The following DOCK10 variants were observed in gnomAD, a reference collection of about 807,000 sequenced individuals.
DOCK10 encodes the protein dedicator of cytokinesis 10.
DOCK10 carries 145 observed loss-of-function variants against 280.1 expected under a neutral mutation model. The observed-to-expected ratio is 0.52, with a 90% CI of 0.45 to 0.59. The LOEUF (loss-of-function observed/expected upper bound fraction) is 0.59, where lower values mean the gene tolerates loss of function less well. DOCK10 is among the 20% of genes least tolerant of loss of function. The probability of loss-of-function intolerance (pLI) is 0.00; values close to 1 mark genes in which losing one functional copy is unlikely to be tolerated. For missense variants in DOCK10, 2,368 were observed against 2,651.7 expected (o/e 0.89, Z 2.35); for synonymous variants, 915 against 942.2 (o/e 0.97, Z 0.53).
chr2:224,955,658 T>C (rs1271509184), intron 1 of DOCK10, among the ~76,000 whole-genome samples: 1 of 152,254 alleles, frequency 6.6e-6, no homozygotes, highest in Non-Finnish European at 1.5e-5. Flanking sequence ...TGGAGAATAA[T>C]GGTAGGGTCT....
At chr2:225,014,366 T>C (rs888772188) in intron 1 of DOCK10, among the ~76,000 whole-genome samples, 1 of 151,922 alleles carries the variant, frequency 6.6e-6, no homozygotes, top group African/African-American at 2.4e-5. Flanking sequence ...AAAGTTCTAA[T>C]GAAGTAGAAG....
At chr2:224,906,513 G>C (rs1700646099) in intron 3 of DOCK10, among the ~76,000 whole-genome samples, 2 of 151,568 alleles carry the variant, frequency 1.3e-5, no homozygotes, top group South Asian at 2.1e-4. Context: ...TCCCAGGCTG[G>C]AGTGCAGTGT....
chr2:224,787,730 T>C (rs1410735985), intron 48 of DOCK10, among the ~76,000 whole-genome samples: 1 of 152,196 alleles, frequency 6.6e-6, no homozygotes, highest in Non-Finnish European at 1.5e-5. Flanking sequence ...TCTCCTGTAA[T>C]CTTTCTTTGT....
At chr2:225,027,844 T>G (rs536463706) in intron 1 of DOCK10, among the ~76,000 whole-genome samples, 1 of 152,188 alleles carries the variant, frequency 6.6e-6, no homozygotes, top group Non-Finnish European at 1.5e-5. Flanking sequence ...TCATAAGAAT[T>G]TTGTGTCTAC....
intron 1 of DOCK10, among the ~76,000 whole-genome samples, chr2:225,012,850 G>A (rs2126300420): frequency 6.6e-6 from 1 of 152,284 alleles, no homozygotes; most frequent in East Asian, 1.9e-4. Context: ...GGTCCTATTA[G>A]TTGTTTAATG....
At chr2:224,981,822 T>C (rs1420067313) in intron 1 of DOCK10, among the ~76,000 whole-genome samples, 1 of 152,244 alleles carries the variant, frequency 6.6e-6, no homozygotes, top group Non-Finnish European at 1.5e-5. Context: ...CTTCAATGGT[T>C]ACATGTGATT....
At chr2:224,948,635 T>G (rs1225432632) in intron 1 of DOCK10, among the ~76,000 whole-genome samples, 1 of 152,160 alleles carries the variant, frequency 6.6e-6, no homozygotes, top group Non-Finnish European at 1.5e-5. Context: ...AAAATAGTAT[T>G]TTATAATCCT....
chr2:225,015,598 C>T (rs1296714354), intron 1 of DOCK10, among the ~76,000 whole-genome samples: 1 of 152,198 alleles, frequency 6.6e-6, no homozygotes. Flanking sequence ...GGCCAGCAGG[C>T]AGCTCGGCCA....
intron 19 of DOCK10, among the ~76,000 whole-genome samples, chr2:224,846,965 G>C (rs182342090): frequency 6.6e-6 from 1 of 152,300 alleles, no homozygotes; most frequent in East Asian, 1.9e-4. Flanking sequence ...GAGTAATATG[G>C]TATAGTAAAT....
chr2:225,036,183 A>G (rs1277870329), intron 1 of DOCK10, among the ~76,000 whole-genome samples: 1 of 152,204 alleles, frequency 6.6e-6, no homozygotes, highest in Non-Finnish European at 1.5e-5. Flanking sequence ...TGATTTAGAT[A>G]GCAATTATTT....
chr2:225,039,034 C>T (rs1016434346), intron 1 of DOCK10, among the ~76,000 whole-genome samples: 1 of 152,156 alleles, frequency 6.6e-6, no homozygotes, highest in Non-Finnish European at 1.5e-5. Context: ...GAAAAGTGCA[C>T]AAATCCTAAA....
intron 15 of DOCK10, 40 bp downstream of exon 15, chr2:224,856,820 G>T: frequency 6.5e-7 from 1 of 1,533,526 alleles, no homozygotes; most frequent in Non-Finnish European, 8.9e-7. Flanking sequence ...AATCAACATG[G>T]CTGATTTATG....
intron 1 of DOCK10, among the ~76,000 whole-genome samples, chr2:224,983,178 A>G (rs73993941): frequency 0.02 from 2,995 of 152,322 alleles, 109 homozygotes; most frequent in African/African-American, 0.068. Context: ...AAGCATTTTA[A>G]CATCCTATCA....
At chr2:224,976,699 AG>A (rs1314146047) in intron 1 of DOCK10, among the ~76,000 whole-genome samples, 2 of 150,942 alleles carry the variant, frequency 1.3e-5, no homozygotes, top group East Asian at 3.9e-4. Context: ...AAAAAAAAAA[AG>A]GTTCCTTTGT....
chr2:225,018,771 A>C (rs1380825326), intron 1 of DOCK10, among the ~76,000 whole-genome samples: 3 of 147,182 alleles, frequency 2.0e-5, no homozygotes, highest in Admixed American at 6.9e-5. Context: ...GTATATGTAC[A>C]TATATACACC....
chr2:224,846,741 C>T (rs1404675781), intron 19 of DOCK10, among the ~76,000 whole-genome samples: 3 of 152,054 alleles, frequency 2.0e-5, no homozygotes, highest in East Asian at 1.9e-4. Flanking sequence ...GTGATCCACC[C>T]GTCTCGGCCT....
At chr2:224,961,441 T>TCTTC in intron 1 of DOCK10, among the ~76,000 whole-genome samples, 1 of 131,216 alleles carries the variant, frequency 7.6e-6, no homozygotes, top group Admixed American at 8.2e-5. Context: ...TTTCTTTCTT[T>TCTTC]CTTTCTTTCT....
At chr2:224,838,424 T>A (rs930192665) in intron 24 of DOCK10, among the ~76,000 whole-genome samples, 2 of 152,206 alleles carry the variant, frequency 1.3e-5, no homozygotes, top group African/African-American at 2.4e-5. Context: ...ATGGCTATAG[T>A]GCTTAGGAAT....
intron 1 of DOCK10, chr2:224,982,112 C>T (rs907719583): frequency 2.1e-6 from 2 of 954,998 alleles, no homozygotes; most frequent in Non-Finnish European, 2.7e-6. Context: ...GTCACACATG[C>T]CTTTATCTAA....
Sources: allele counts gnomAD v4.1 joint callset (sites outside exome capture counted in the v4.1 genomes callset), GRCh38; gene constraint gnomAD v4.1.1; transcripts MANE v1.5; gene names NCBI Gene and HGNC (gene_info 2026-07-23, HGNC 2026-07-21).